The following SLC22A17 variants were observed in gnomAD, a reference collection of about 807,000 sequenced individuals.
SLC22A17 encodes solute carrier family 22 member 17.
In SLC22A17, 38 loss-of-function variants were observed where a neutral mutation model predicts 53.6. That is an observed-to-expected ratio of 0.71 (90% CI 0.55 to 0.93). The LOEUF is 0.93. Among genes scored for constraint, SLC22A17 ranks in the 40% least tolerant of loss-of-function variants. The pLI is 0.00. For synonymous variants in SLC22A17, 379 were observed against 353.0 expected (o/e 1.07, Z -0.82); for missense variants, 704 against 791.0 (o/e 0.89, Z 1.32).
In SLC22A17 at chr14:23,349,259, G is replaced by T; in HGVS notation, c.859+13C>A. ...AGACCCAAGGGAGGGAATTCTGGGA[G>T]GGTGCCACTTACGCATCAGGTAGAC... On this transcript the variant is annotated intron_variant, in intron 4 of 9. Coordinates refer to ENST00000397267, the Ensembl canonical transcript of SLC22A17. 6.2e-7 allele frequency: 1 copy of T among 1,613,988 alleles called. No individual in the cohort carries two copies. The highest frequency in any genetic ancestry group is 1.1e-5 in the South Asian group (1 of 91,066).
rs1889327962 is a variant in SLC22A17, at chr14:23,347,846, A to C, written c.1277+45T>G. The stretch of plus-strand genomic sequence containing the variant: ...GGGCCTTCCCACCCAGCCAGCCCCC[A>C]TTCCAGCTACTGGCCTGGCCCTCAG... On this transcript the variant is annotated intron_variant, in intron 7 of 9. Transcript: ENST00000397267. The surrounding 1 kb of genome is among the most constrained non-coding windows in gnomAD (Gnocchi z 5.1). 4 of 1,612,430 alleles carry C rather than the reference A, an allele frequency of 2.5e-6. No homozygotes were observed. The highest frequency in any genetic ancestry group is 3.4e-6 in the Non-Finnish European group (4 of 1,178,636).
chr14:23,348,114 T>A lies in SLC22A17; in HGVS notation c.1171+47A>T. ...AGCTACAGCCATGCAGAGGGCACCA[T>A]CATGTGTGCAAGTGAGGCAACACTC... On this transcript the variant is annotated intron_variant, in intron 6 of 9. Coordinates refer to ENST00000397267, the Ensembl canonical transcript of SLC22A17. This position sits in a 1 kb window ranked among gnomAD's most constrained non-coding sequence, Gnocchi z 4.5. The A allele has an allele frequency of 6.2e-7, 1 of 1,610,912 alleles. No homozygotes were observed. Among genetic ancestry groups the A allele is most frequent in the Non-Finnish European group, 8.5e-7 (1 of 1,177,668 alleles).
rs776316019 is a variant in SLC22A17, at chr14:23,348,170, C to A, written c.1162G>T (p.Ala388Ser). The change falls in exon 6 of 10, where the codon GCC (alanine) becomes TCC (serine). Residue 388 changes from alanine to serine, a missense_variant. Physicochemically the swap from Ala to Ser is moderately conservative, Grantham distance 99. This residue lies in a region of SLC22A17 where 435 missense variants were observed against 529.0 expected (regional missense o/e 0.82). Transcript: ENST00000397267. The surrounding 1 kb of genome is among the most constrained non-coding windows in gnomAD (Gnocchi z 4.5). Reference sequence around the variant, plus strand: ...GATCCCTGTCTCTTACCCTGCAGGGCCTCCTGGGCCTCCTCCCCCAGCATC... The same window carrying A: ...GATCCCTGTCTCTTACCCTGCAGGGACTCCTGGGCCTCCTCCCCCAGCATC... 13 of 1,613,990 alleles carry A rather than the reference C, an allele frequency of 8.1e-6. No individual in the cohort carries two copies. The highest frequency in any genetic ancestry group is 9.3e-6 in the Non-Finnish European group (11 of 1,179,954).
chr14:23,349,444 C>T lies in SLC22A17; in HGVS notation c.705-18G>A. ...GGCCAAATCTAGAAAGTGGGAAGGG[C>T]TTCTGGTCACCCAGACTCTCTGGTG... is the stretch of plus-strand genomic sequence containing the variant. On this transcript the variant is annotated intron_variant, in intron 3 of 9. Coordinates refer to ENST00000397267, the Ensembl canonical transcript of SLC22A17. The T allele has an allele frequency of 6.2e-7, 1 of 1,605,210 alleles. No individual in the cohort carries two copies. The highest frequency in any genetic ancestry group is 8.5e-7 in the Non-Finnish European group (1 of 1,175,662).
chr14:23,349,464 C>T (rs1889486536), intron 3 of SLC22A17, 38 bp from the exon 4 acceptor site: 1 of 1,587,014 alleles, frequency 6.3e-7, no homozygotes, highest in Middle Eastern at 2.2e-4. Flanking sequence ...CCCAGACTCT[C>T]TGGTGGTGGG....
In SLC22A17 at chr14:23,347,334, G is replaced by C. The variant is rs563932788; in HGVS notation, c.1550-122C>G. 1 of 1,479,010 alleles carries C rather than the reference G, an allele frequency of 6.8e-7. No homozygotes were observed. The highest frequency in any genetic ancestry group is 2.4e-5 in the East Asian group (1 of 41,712). The allele number at this position is 1,479,010 out of a possible 1,614,324, so 91.6% of individuals were successfully genotyped here. A position where few individuals can be genotyped will look rare whatever the true frequency, so the allele number is the denominator to read the frequency against. ...TAGCTGGGCAGGCTCTGGGCATTCA[G>C]TAATTGACTGGGAGAGCAGATGGGG... On this transcript the variant is annotated intron_variant, in intron 8 of 9. Coordinates refer to ENST00000397267, the Ensembl canonical transcript of SLC22A17. This position sits in a 1 kb window ranked among gnomAD's most constrained non-coding sequence, Gnocchi z 5.1.
At chr14:23,349,682 G>A in intron 3 of SLC22A17, 1 of 550,448 alleles carries the variant, frequency 1.8e-6, no homozygotes, top group South Asian at 2.2e-5. Context: ...CAGAGATTAG[G>A]GCACTTGTCA....
chr14:23,346,901 G>A (rs1889238697), exon 10 of SLC22A17: 6 of 1,538,264 alleles, frequency 3.9e-6, no homozygotes, highest in Middle Eastern at 2.3e-4. Flanking sequence ...TCCTCCAAGC[G>A]CCCCTAGAGC....
In SLC22A17 at chr14:23,352,549, A is replaced by G. The variant is rs1275386514; in HGVS notation, c.96+97T>C. The stretch of plus-strand genomic sequence containing the variant: ...GGGAGGGAGGGCTAGGAAGGCAGTC[A>G]GGGGCGAGGGATGCGCAGGAGGAAA... On this transcript the variant is annotated intron_variant, in intron 1 of 9. Transcript: ENST00000397267. This position sits in a 1 kb window ranked among gnomAD's most constrained non-coding sequence, Gnocchi z 7.2. 5.0e-5 allele frequency: 21 copies of G among 424,162 alleles called. 1 individual carries two copies. The Admixed American group carries it at 7.6e-4, about 15-fold the overall frequency. 26.3% of individuals were successfully genotyped at this position (424,162 alleles called of 1,614,324 possible).
chr14:23,351,900 G>A (rs1889648265), intron 2 of SLC22A17, 45 bp from the exon 3 acceptor site: 3 of 1,610,950 alleles, frequency 1.9e-6, no homozygotes, highest in South Asian at 1.1e-5. Context: ...CCCCGCCCTC[G>A]CCGCTCTCTG....
Position 23,352,502 on chromosome 14 carries a change from A to G in SLC22A17, c.97-51T>C. ...AGAAGGGTGAAGCGGAGGAAACCGC[A>G]GAGCAAGGGCAGGGGGCAGGTGGGA... On this transcript the variant is annotated intron_variant, in intron 1 of 9. Coordinates refer to ENST00000397267, the Ensembl canonical transcript of SLC22A17. This position sits in a 1 kb window ranked among gnomAD's most constrained non-coding sequence, Gnocchi z 7.2. The G allele has an allele frequency of 2.4e-6, 1 of 424,634 alleles. No homozygotes were observed. The highest frequency in any genetic ancestry group is 4.1e-6 in the Non-Finnish European group (1 of 243,254). 26.3% of individuals were successfully genotyped at this position (424,634 alleles called of 1,614,324 possible).
chr14:23,346,776 T>G (rs1470382172), exon 10 of SLC22A17: 2 of 1,543,570 alleles, frequency 1.3e-6, no homozygotes, highest in Non-Finnish European at 8.7e-7. Context: ...AGCTTGCGCT[T>G]GGTCTCCGGC....
At chr14:23,346,662 T>G in exon 10 of SLC22A17, 1 of 1,505,526 alleles carries the variant, frequency 6.6e-7, no homozygotes, top group Non-Finnish European at 8.9e-7. Context: ...AGGGCAGGGT[T>G]GGGGGTGGCA....
Position 23,348,455 on chromosome 14 carries a change from T to C in SLC22A17, c.1025+51A>G. The C allele has an allele frequency of 6.3e-7, 1 of 1,597,238 alleles. No homozygotes were observed. Among genetic ancestry groups the C allele is most frequent in the Non-Finnish European group, 8.5e-7 (1 of 1,169,898 alleles). ...GAGGGGTCTCCGGGCTAGGGCTAGTTTGGAGGCAGAGATGGGAATTGCCAG... is the reference window on the plus strand; with the variant it reads ...GAGGGGTCTCCGGGCTAGGGCTAGTCTGGAGGCAGAGATGGGAATTGCCAG... On this transcript the variant is annotated intron_variant, in intron 5 of 9. Transcript: ENST00000397267. This position sits in a 1 kb window ranked among gnomAD's most constrained non-coding sequence, Gnocchi z 4.5.
chr14:23,352,843 C>T lies in SLC22A17; in HGVS notation c.-102G>A. ...CCGGACACAGACAGCTCGAAGAGAT[C>T]CCGCTCTGCAGCTCTGCAGCCGCGG... On this transcript the variant is annotated 5_prime_UTR_variant, in exon 1 of 10. Coordinates refer to ENST00000397267, the Ensembl canonical transcript of SLC22A17. The surrounding 1 kb of genome is among the most constrained non-coding windows in gnomAD (Gnocchi z 7.2). The T allele has an allele frequency of 2.5e-6, 1 of 398,048 alleles. No individual in the cohort carries two copies. Among genetic ancestry groups the T allele is most frequent in the Non-Finnish European group, 4.4e-6 (1 of 225,538 alleles). 24.7% of individuals were successfully genotyped at this position (398,048 alleles called of 1,614,324 possible). A position where few individuals can be genotyped will look rare whatever the true frequency, so the allele number is the denominator to read the frequency against.
At chr14:23,351,796 C>T in exon 3 of SLC22A17, 2 of 1,613,772 alleles carry the variant, frequency 1.2e-6, no homozygotes, top group East Asian at 2.2e-5. Context: ...AGGCAAAGCC[C>T]AAGATGAAGA....
chr14:23,348,677 G>T lies in SLC22A17; in HGVS notation c.860-6C>A, dbSNP rs1484111781. 1 of 1,607,086 alleles carries T rather than the reference G, an allele frequency of 6.2e-7. No homozygotes were observed. The highest frequency in any genetic ancestry group is 1.7e-5 in the Admixed American group (1 of 58,924). Reference sequence around the variant, plus strand: ...TGGGTCGCACAGCTCCAGGCCTGGAGATACAGCAGGGGTGGAGAGAGGAGA... The same window carrying T: ...TGGGTCGCACAGCTCCAGGCCTGGATATACAGCAGGGGTGGAGAGAGGAGA... On this transcript the variant is annotated splice_region_variant and splice_polypyrimidine_tract_variant and intron_variant, in intron 4 of 9. Coordinates refer to ENST00000397267, the Ensembl canonical transcript of SLC22A17. The surrounding 1 kb of genome is among the most constrained non-coding windows in gnomAD (Gnocchi z 4.5).
In SLC22A17 at chr14:23,352,854, G is replaced by A. The variant is rs1889734302; in HGVS notation, c.-113C>T. On this transcript the variant is annotated 5_prime_UTR_variant, in exon 1 of 10. Transcript: ENST00000397267. The surrounding 1 kb of genome is among the most constrained non-coding windows in gnomAD (Gnocchi z 7.2). Reference sequence around the variant, plus strand: ...CAGCTCGAAGAGATCCCGCTCTGCAGCTCTGCAGCCGCGGGCGCCTCCTTG... The same window carrying A: ...CAGCTCGAAGAGATCCCGCTCTGCAACTCTGCAGCCGCGGGCGCCTCCTTG... 2 of 397,782 alleles carry A rather than the reference G, an allele frequency of 5.0e-6. No homozygotes were observed. The highest frequency in any genetic ancestry group is 8.9e-6 in the Non-Finnish European group (2 of 225,522). The allele number at this position is 397,782 out of a possible 1,614,324, so 24.6% of individuals were successfully genotyped here. A position where few individuals can be genotyped will look rare whatever the true frequency, so the allele number is the denominator to read the frequency against.
At position 23,350,291 on chromosome 14, in the gene SLC22A17, G is replaced by A. The variant is rs367718223; in HGVS notation, c.705-865C>T. Among the ~76,000 whole-genome samples, 10 of 151,956 alleles carry A rather than the reference G, an allele frequency of 6.6e-5. No individual in the cohort carries two copies. In the South Asian group the frequency reaches 1.2e-3, roughly 19 times the overall value. On this transcript the variant is annotated intron_variant, in intron 3 of 9. Transcript: ENST00000397267. ...TGCACTCCAGCCTGGGCAACAGAGC[G>A]AGACTCCATCTCAAAAAGAAAGAAA...
Sources: gnomAD v4.1 joint callset for allele counts (sites outside exome capture counted in the v4.1 genomes callset) on GRCh38, gnomAD v4.1.1 for gene constraint, gnomAD v4.1.1 regional missense constraint, Gnocchi (gnomAD v3.1) non-coding constraint, MANE v1.5 for transcripts, NCBI Gene and HGNC (gene_info 2026-07-23, HGNC 2026-07-21) for gene names.